PPARGC1A: variants seen among roughly 807,000 people sequenced by gnomAD.
PPARGC1A encodes the protein peroxisome proliferator-activated receptor gamma coactivator 1-alpha.
In PPARGC1A, 25 loss-of-function variants were observed where a neutral mutation model predicts 88.7. The ratio of observed to expected loss-of-function variants is 0.28; its 90% confidence interval spans 0.21 to 0.39. The LOEUF is 0.39. PPARGC1A is among the 10% of genes least tolerant of loss of function. The probability of loss-of-function intolerance (pLI) is 1.00; values close to 1 mark genes in which losing one functional copy is unlikely to be tolerated. For missense variants in PPARGC1A, 880 were observed against 968.7 expected (o/e 0.91, Z 1.22); for synonymous variants, 363 against 355.6 (o/e 1.02, Z -0.24).
chr4:23,893,665 C>T (rs1577681724), upstream of PPARGC1A, among the ~76,000 whole-genome samples: 1 of 152,214 alleles, frequency 6.6e-6, no homozygotes. Context: ...AGAGCTTCAA[C>T]ATTTTAAGTT....
chr4:23,934,327 C>T, the PPARGC1A span, among the ~76,000 whole-genome samples: 1 of 152,208 alleles, frequency 6.6e-6, no homozygotes, highest in African/African-American at 2.4e-5. Flanking sequence ...AGAGCAGAGG[C>T]CCAGCCTCCA....
chr4:24,011,471 G>A, the PPARGC1A span, among the ~76,000 whole-genome samples: 1 of 152,098 alleles, frequency 6.6e-6, no homozygotes, highest in Non-Finnish European at 1.5e-5. Flanking sequence ...GAATAAACAA[G>A]ACCATTTGAA....
the PPARGC1A span, among the ~76,000 whole-genome samples, chr4:24,231,437 G>C: frequency 6.6e-6 from 1 of 152,170 alleles, no homozygotes. Context: ...GTCCGGTCCA[G>C]TCTCTTTCCT....
In PPARGC1A at chr4:23,795,629, CT is replaced by C; in HGVS notation, c.*192del. The C allele has an allele frequency of 1.9e-6, 1 of 531,158 alleles. No homozygotes were observed. The highest frequency in any genetic ancestry group is 3.3e-6 in the Non-Finnish European group (1 of 301,364). The allele number at this position is 531,158 out of a possible 1,614,324, so 32.9% of individuals were successfully genotyped here. A position where few individuals can be genotyped will look rare whatever the true frequency, so the allele number is the denominator to read the frequency against. ...ATTCTGTCTCTTGCCTCTTCAGCAG[CT>C]GTGTTCATGTAAACCATTGTTGTTA... On this transcript the variant is annotated 3_prime_UTR_variant, in exon 13 of 13. Coordinates refer to ENST00000264867, the MANE Select transcript of PPARGC1A (RefSeq NM_013261.5).
At chr4:24,387,842 G>GAGAGAGAGAGAGAA in the PPARGC1A span, among the ~76,000 whole-genome samples, 3 of 117,534 alleles carry the variant, frequency 2.6e-5, no homozygotes. Flanking sequence ...GAGAGAAAGA[G>GAGAGAGAGAGAGAA]AGAGAGAAAG....
chr4:23,874,681 A>T (rs1334013854), intron 2 of PPARGC1A, among the ~76,000 whole-genome samples: 1 of 152,190 alleles, frequency 6.6e-6, no homozygotes, highest in Admixed American at 6.5e-5. Context: ...TGTTGGCAAG[A>T]TTTCCAGAAT....
the PPARGC1A span, among the ~76,000 whole-genome samples, chr4:24,125,806 G>T: frequency 6.6e-6 from 1 of 152,152 alleles, no homozygotes; most frequent in African/African-American, 2.4e-5. Flanking sequence ...TAAGCTTCTT[G>T]AGGTGAGGCT....
chr4:23,921,749 T>A, the PPARGC1A span, among the ~76,000 whole-genome samples: 1 of 152,002 alleles, frequency 6.6e-6, no homozygotes, highest in Non-Finnish European at 1.5e-5. Flanking sequence ...TAGTTGGGAG[T>A]TGGAAATTAT....
chr4:24,179,451 C>T, the PPARGC1A span, among the ~76,000 whole-genome samples: 399 of 152,148 alleles, frequency 2.6e-3, 2 homozygotes, highest in African/African-American at 9.1e-3. Context: ...GCCAGTTCTG[C>T]GGCTCAAAAG....
chr4:23,884,711 A>C, intron 2 of PPARGC1A, 41 bp downstream of exon 2: 2 of 1,572,384 alleles, frequency 1.3e-6, no homozygotes, highest in South Asian at 2.3e-5. Flanking sequence ...GGCCCAAGCC[A>C]AACTCAATGA....
the PPARGC1A span, among the ~76,000 whole-genome samples, chr4:23,947,831 G>C: frequency 6.6e-6 from 1 of 152,102 alleles, no homozygotes; most frequent in Non-Finnish European, 1.5e-5. Context: ...GGGAGGCAGA[G>C]AGTGGGCACA....
At chr4:24,445,916 A>G in the PPARGC1A span, among the ~76,000 whole-genome samples, 1 of 151,962 alleles carries the variant, frequency 6.6e-6, no homozygotes, top group Non-Finnish European at 1.5e-5. Context: ...AAAAATACAA[A>G]ACTAGCCTGG....
At chr4:23,839,806 AAAG>A (rs1276353420) in intron 2 of PPARGC1A, among the ~76,000 whole-genome samples, 1 of 47,522 alleles carries the variant, frequency 2.1e-5, no homozygotes, top group African/African-American at 1.1e-4. Context: ...GCAGAAAAAA[AAAG>A]AAGTTTGTGC....
chr4:24,275,526 C>G, the PPARGC1A span, among the ~76,000 whole-genome samples: 1 of 152,056 alleles, frequency 6.6e-6, no homozygotes, highest in Non-Finnish European at 1.5e-5. Flanking sequence ...AGAGAAAGCA[C>G]GATAATTGCT....
chr4:23,914,103 T>C, the PPARGC1A span, among the ~76,000 whole-genome samples: 1 of 152,354 alleles, frequency 6.6e-6, no homozygotes, highest in Non-Finnish European at 1.5e-5. Context: ...TGAATCTTTA[T>C]TGAAGTCAGC....
the PPARGC1A span, among the ~76,000 whole-genome samples, chr4:24,396,498 C>T: frequency 9.2e-5 from 14 of 152,156 alleles, no homozygotes; most frequent in African/African-American, 2.9e-4. Context: ...AATGCCACAA[C>T]GTTCACAAAA....
the PPARGC1A span, among the ~76,000 whole-genome samples, chr4:24,149,289 T>C: frequency 2.0e-5 from 3 of 152,184 alleles, no homozygotes; most frequent in Admixed American, 2.0e-4. Flanking sequence ...TAATTCATTA[T>C]TTGCTCCTAA....
At chr4:24,284,333 A>G in the PPARGC1A span, among the ~76,000 whole-genome samples, 1,366 of 152,176 alleles carry the variant, frequency 9.0e-3, 30 homozygotes, top group African/African-American at 0.031. Context: ...AACAAACAAA[A>G]AACAAAAAAT....
chr4:24,002,095 C>CAGAGAGAGAGAG, the PPARGC1A span, among the ~76,000 whole-genome samples: 387 of 116,848 alleles, frequency 3.3e-3, 1 homozygote, highest in South Asian at 0.017. Flanking sequence ...CACACACACA[C>CAGAGAGAGAGAG]ACAGAGAGAG....
Sources: gnomAD v4.1 joint callset for allele counts (sites outside exome capture counted in the v4.1 genomes callset) on GRCh38, gnomAD v4.1.1 for gene constraint, MANE v1.5 for transcripts, NCBI Gene and HGNC (gene_info 2026-07-23, HGNC 2026-07-21) for gene names.